The following SLC35F1 variants were observed in gnomAD, a reference collection of about 807,000 sequenced individuals.
SLC35F1 encodes the protein chromosome 6 open reading frame 169.
Under a neutral mutation model 48.7 loss-of-function variants are expected in SLC35F1, and 14 were observed. The observed-to-expected ratio is 0.29, with a 90% CI of 0.19 to 0.45. The LOEUF (loss-of-function observed/expected upper bound fraction) is 0.45, where lower values mean the gene tolerates loss of function less well. Ranked by LOEUF, SLC35F1 falls within the 20% of genes least tolerant of loss-of-function variation. SLC35F1 has a pLI of 1.00. For missense variants in SLC35F1, 404 were observed against 500.0 expected, an observed-to-expected ratio of 0.81 and a Z score of 1.83; for synonymous variants, 190 against 202.2, an observed-to-expected ratio of 0.94 and a Z score of 0.51.
rs141289154 is a variant in SLC35F1 at position 118,294,467 on chromosome 6, T to A, written c.1002+9129T>A. On this transcript the variant is annotated intron_variant, in intron 7 of 7. Coordinates refer to ENST00000360388, the MANE Select transcript of SLC35F1 (RefSeq NM_001029858.4). ...TGACATGAAATATACAGAAAATTCCTTTTTGCCTGACATTTAAATGACGAT... is the reference window on the plus strand; with the variant it reads ...TGACATGAAATATACAGAAAATTCCATTTTGCCTGACATTTAAATGACGAT... Among the ~76,000 whole-genome samples the A allele has an allele frequency of 4.2e-3, 637 of 152,364 alleles. 5 individuals are homozygous for A. Among genetic ancestry groups the A allele is most frequent in the African/African-American group, 0.014 (600 of 41,594 alleles).
intron 1 of SLC35F1, among the ~76,000 whole-genome samples, chr6:117,983,931 G>T (rs1776815220): frequency 6.6e-6 from 1 of 152,052 alleles, no homozygotes; most frequent in Non-Finnish European, 1.5e-5. Context: ...AGCTACAATG[G>T]GATGATAATT....
intron 1 of SLC35F1, among the ~76,000 whole-genome samples, chr6:117,985,230 A>G (rs1251955733): frequency 3.3e-5 from 5 of 152,240 alleles, no homozygotes; most frequent in Non-Finnish European, 7.3e-5. Flanking sequence ...ATGTGAGTAT[A>G]GATTGAAACT....
At chr6:118,135,896 C>G (rs1460490920) in intron 1 of SLC35F1, among the ~76,000 whole-genome samples, 1 of 149,532 alleles carries the variant, frequency 6.7e-6, no homozygotes, top group Non-Finnish European at 1.5e-5. Context: ...CATCAGGTCC[C>G]CCTCATAGGC....
intron 1 of SLC35F1, among the ~76,000 whole-genome samples, chr6:118,019,605 G>C (rs1236897322): frequency 6.6e-6 from 1 of 151,962 alleles, no homozygotes; most frequent in African/African-American, 2.4e-5. Context: ...CTGGGTGACA[G>C]AGCAAGACTT....
chr6:117,957,956 C>T (rs1055677472), intron 1 of SLC35F1, among the ~76,000 whole-genome samples: 2 of 152,116 alleles, frequency 1.3e-5, no homozygotes, highest in African/African-American at 4.8e-5. Context: ...GCAGGTCCTT[C>T]AGGAGGTGTT....
chr6:118,185,685 G>A (rs1263323200), intron 2 of SLC35F1, among the ~76,000 whole-genome samples: 1 of 152,122 alleles, frequency 6.6e-6, no homozygotes, highest in East Asian at 1.9e-4. Flanking sequence ...GAAGTGAGCT[G>A]TGGCTTGCCA....
intron 2 of SLC35F1, among the ~76,000 whole-genome samples, chr6:118,171,684 T>A (rs1774406250): frequency 6.6e-6 from 1 of 152,192 alleles, no homozygotes; most frequent in Admixed American, 6.5e-5. Flanking sequence ...GTGAAAAATA[T>A]TTTATTGTTT....
At chr6:117,946,723 A>C (rs959462753) in intron 1 of SLC35F1, among the ~76,000 whole-genome samples, 4 of 152,236 alleles carry the variant, frequency 2.6e-5, no homozygotes, top group Admixed American at 2.0e-4. Flanking sequence ...TTTCTGTAGA[A>C]AAACATTGAC....
At chr6:118,122,954 CAG>C (rs1773574764) in intron 1 of SLC35F1, among the ~76,000 whole-genome samples, 1 of 152,100 alleles carries the variant, frequency 6.6e-6, no homozygotes, top group South Asian at 2.1e-4. Flanking sequence ...TAAATAGAAA[CAG>C]AGATGGCTAT....
chr6:118,227,510 G>A (rs2114572027), intron 2 of SLC35F1, among the ~76,000 whole-genome samples: 1 of 152,282 alleles, frequency 6.6e-6, no homozygotes, highest in African/African-American at 2.4e-5. Flanking sequence ...AATGATATCT[G>A]TGCATTTATG....
intron 1 of SLC35F1, among the ~76,000 whole-genome samples, chr6:118,133,475 C>T (rs903087426): frequency 2.6e-5 from 4 of 152,042 alleles, no homozygotes; most frequent in African/African-American, 9.7e-5. Flanking sequence ...GAATTTCCAC[C>T]TAGGACAAGT....
At chr6:118,046,700 A>G (rs919031521) in intron 1 of SLC35F1, among the ~76,000 whole-genome samples, 1 of 152,176 alleles carries the variant, frequency 6.6e-6, no homozygotes, top group African/African-American at 2.4e-5. Context: ...CACTCCATAT[A>G]TGATAACTAT....
At chr6:118,129,103 C>T (rs1011425094) in intron 1 of SLC35F1, among the ~76,000 whole-genome samples, 1 of 152,138 alleles carries the variant, frequency 6.6e-6, no homozygotes, top group Admixed American at 6.5e-5. Flanking sequence ...ATGCCTGAGC[C>T]CCATCCTCAA....
At chr6:118,089,641 A>G (rs1392168555) in intron 1 of SLC35F1, among the ~76,000 whole-genome samples, 2 of 152,186 alleles carry the variant, frequency 1.3e-5, no homozygotes, top group African/African-American at 4.8e-5. Context: ...TCAAACTGCT[A>G]CCTAACCTAT....
chr6:118,006,561 G>A (rs924543998), intron 1 of SLC35F1, among the ~76,000 whole-genome samples: 15 of 152,146 alleles, frequency 9.9e-5, no homozygotes, highest in African/African-American at 3.6e-4. Flanking sequence ...GGAAGCTATA[G>A]TAAACTGTGA....
chr6:118,267,067 G>A lies in SLC35F1; in HGVS notation c.550G>A (p.Val184Met), dbSNP rs767817880. The A allele has an allele frequency of 1.1e-5, 18 of 1,614,020 alleles. No homozygotes were observed. The highest frequency in any genetic ancestry group is 2.2e-5 in the South Asian group (2 of 91,070). Residue 184 changes from valine (V) to methionine (M), a missense_variant, in exon 4 of 8, where the codon GTG (valine) becomes ATG (methionine). Val to Met is a conservative substitution (Grantham distance 21, BLOSUM62 1). Transcript: ENST00000360388. ...CTTCCTGCTGATCCGGTACAAGGCT[G>A]TGCATTTCATCGGCATCGTTGTCTG... ...WFFLLIRYKAVHFIGIVVCIL... is the reference protein window; with the variant it reads ...WFFLLIRYKAMHFIGIVVCIL...
intron 3 of SLC35F1, among the ~76,000 whole-genome samples, chr6:118,255,544 T>A (rs768596368): frequency 8.5e-5 from 13 of 152,164 alleles, no homozygotes; most frequent in Non-Finnish European, 1.5e-4. Context: ...GTCACCTAGA[T>A]TTCTAGGTAC....
chr6:118,036,800 A>G (rs1175185328), intron 1 of SLC35F1, among the ~76,000 whole-genome samples: 1 of 152,104 alleles, frequency 6.6e-6, no homozygotes, highest in African/African-American at 2.4e-5. Flanking sequence ...GCCTCAAGTG[A>G]TCCTCCTGCC....
intron 1 of SLC35F1, among the ~76,000 whole-genome samples, chr6:118,027,256 G>A (rs1444110730): frequency 6.6e-6 from 1 of 152,114 alleles, no homozygotes; most frequent in Non-Finnish European, 1.5e-5. Context: ...AAACATTCAT[G>A]TGCAGGCCTT....
Sources: allele counts gnomAD v4.1 joint callset (sites outside exome capture counted in the v4.1 genomes callset), GRCh38; gene constraint gnomAD v4.1.1; transcripts MANE v1.5; gene names NCBI Gene and HGNC (gene_info 2026-07-23, HGNC 2026-07-21).